The following TLN2 variants were observed in gnomAD, a reference collection of about 807,000 sequenced individuals.
TLN2 encodes talin-2.
A neutral mutation model predicts 294.7 loss-of-function variants in TLN2; 118 were observed. The ratio of observed to expected loss-of-function variants is 0.40; its 90% CI spans 0.34 to 0.47. The LOEUF is 0.47. Among genes scored for constraint, TLN2 ranks in the 20% least tolerant of loss-of-function variants. The pLI is 0.84. For synonymous variants in TLN2, 1,431 were observed against 1,304.5 expected (o/e 1.10, Z -2.09); for missense variants, 3,083 against 3,282.2 (o/e 0.94, Z 1.48).
chr15:62,767,204 A>G (rs2063062132), intron 41 of TLN2, among the ~76,000 whole-genome samples: 1 of 152,196 alleles, frequency 6.6e-6, no homozygotes, highest in Non-Finnish European at 1.5e-5. Flanking sequence ...TTTAAATTAC[A>G]GAATAGCTTA....
intron 2 of TLN2, among the ~76,000 whole-genome samples, chr15:62,592,012 AGTGTTCTGG>A (rs2046117566): frequency 6.6e-6 from 1 of 151,966 alleles, no homozygotes; most frequent in Non-Finnish European, 1.5e-5. Context: ...ATCTGAAAGG[AGTGTTCTGG>A]GTGGATTCTT....
chr15:62,628,237 A>C (rs1176162473), intron 3 of TLN2, among the ~76,000 whole-genome samples: 1 of 152,196 alleles, frequency 6.6e-6, no homozygotes, highest in African/African-American at 2.4e-5. Context: ...TCACTGTGTA[A>C]TTCTGGGGTA....
chr15:62,609,774 T>C (rs765407270), intron 2 of TLN2, among the ~76,000 whole-genome samples: 10 of 152,198 alleles, frequency 6.6e-5, no homozygotes, highest in Admixed American at 1.3e-4. Flanking sequence ...GAAAGGTTAT[T>C]CTCTTTGTGG....
At chr15:62,751,681 T>C (rs1387471765) in intron 34 of TLN2, among the ~76,000 whole-genome samples, 7 of 152,194 alleles carry the variant, frequency 4.6e-5, no homozygotes, top group South Asian at 2.1e-4. Flanking sequence ...CAAATTTACA[T>C]TGGGCACCCT....
intron 57 of TLN2, among the ~76,000 whole-genome samples, chr15:62,837,343 A>G (rs1354251546): frequency 6.6e-6 from 1 of 152,204 alleles, no homozygotes; most frequent in African/African-American, 2.4e-5. Context: ...ATCCTGAGTT[A>G]AGAGAGACCT....
intron 1 of TLN2, among the ~76,000 whole-genome samples, chr15:62,557,878 T>C (rs1446982927): frequency 6.6e-6 from 1 of 152,236 alleles, no homozygotes; most frequent in Non-Finnish European, 1.5e-5. Flanking sequence ...AATTACTGTG[T>C]GTGCCTAAAA....
intron 1 of TLN2, among the ~76,000 whole-genome samples, chr15:62,416,773 C>T (rs1354357517): frequency 1.3e-5 from 2 of 152,184 alleles, no homozygotes; most frequent in Non-Finnish European, 2.9e-5. Flanking sequence ...TCAAGGCTTG[C>T]TCTGAGCTCA....
In TLN2 at chr15:62,717,659, G is replaced by C; in HGVS notation, c.2847G>C (p.Ala949=). 1 of 1,601,938 alleles carries C rather than the reference G, an allele frequency of 6.2e-7. No homozygotes were observed. The highest frequency in any genetic ancestry group is 8.5e-7 in the Non-Finnish European group (1 of 1,175,010). Reference sequence around the variant, plus strand: ...CAGCTGTTTCCAACAAGAACCCTGCGGCCCAGCAGCAGCTGGTCCAGAGTT... The same window carrying C: ...CAGCTGTTTCCAACAAGAACCCTGCCGCCCAGCAGCAGCTGGTCCAGAGTT... The part of the protein sequence containing the change: ...QNAAVSNKNP[A]AQQQLVQSCK... Residue 949 remains alanine, a synonymous_variant, in exon 24 of 59, where the codon GCG becomes GCC. Transcript: ENST00000636159.
intron 1 of TLN2, among the ~76,000 whole-genome samples, chr15:62,446,157 C>G (rs2035811777): frequency 6.6e-6 from 1 of 151,998 alleles, no homozygotes. Context: ...CAGGCGCCCG[C>G]CACCACGCCC....
chr15:62,416,650 A>G (rs1469789369), intron 1 of TLN2, among the ~76,000 whole-genome samples: 1 of 152,186 alleles, frequency 6.6e-6, no homozygotes, highest in Non-Finnish European at 1.5e-5. Flanking sequence ...TTGATATTAC[A>G]TATCAAAGAG....
chr15:62,425,584 C>G (rs1364090971), intron 1 of TLN2, among the ~76,000 whole-genome samples: 1 of 152,206 alleles, frequency 6.6e-6, no homozygotes, highest in Non-Finnish European at 1.5e-5. Flanking sequence ...AGAATTGTAT[C>G]AGCTTTTTAA....
intron 2 of TLN2, among the ~76,000 whole-genome samples, chr15:62,611,098 G>T (rs1248638734): frequency 1.3e-5 from 2 of 152,118 alleles, no homozygotes; most frequent in Non-Finnish European, 2.9e-5. Flanking sequence ...AGAGGGATGT[G>T]ATTATGTCTT....
chr15:62,618,491 G>A lies in TLN2; in HGVS notation c.-37+16G>A, dbSNP rs2048495543. 6.6e-6 allele frequency: 1 copy of A among 152,208 alleles called. No individual in the cohort carries two copies. The highest frequency in any genetic ancestry group is 2.1e-4 in the South Asian group (1 of 4,832). 9.4% of individuals were successfully genotyped at this position (152,208 alleles called of 1,614,324 possible). A position where few individuals can be genotyped will look rare whatever the true frequency, so the allele number is the denominator to read the frequency against. On this transcript the variant is annotated intron_variant, in intron 3 of 58. Transcript: ENST00000636159. ...TGTTGTCATTGTGAGTTGTTTGTATGTTAAAGGTCTTCTGCGTGTGTTTTG... is the reference window on the plus strand; with the variant it reads ...TGTTGTCATTGTGAGTTGTTTGTATATTAAAGGTCTTCTGCGTGTGTTTTG...
At chr15:62,561,028 G>A (rs1214652663) in intron 1 of TLN2, among the ~76,000 whole-genome samples, 2 of 152,244 alleles carry the variant, frequency 1.3e-5, no homozygotes, top group East Asian at 1.9e-4. Context: ...TACACAGAAG[G>A]AAAGGGAAAA....
intron 45 of TLN2, chr15:62,784,344 T>C (rs974767685): frequency 4.9e-6 from 1 of 202,788 alleles, no homozygotes; most frequent in African/African-American, 2.3e-5. Flanking sequence ...GCTACTTTCA[T>C]GAAACAAAGT....
chr15:62,722,920 G>C (rs984931990), intron 26 of TLN2, among the ~76,000 whole-genome samples: 2 of 152,150 alleles, frequency 1.3e-5, no homozygotes, highest in Admixed American at 6.6e-5. Flanking sequence ...ATTTTGAAGT[G>C]TCATCTTTAT....
chr15:62,455,472 C>CA (rs1217262091), intron 1 of TLN2, among the ~76,000 whole-genome samples: 1 of 152,130 alleles, frequency 6.6e-6, no homozygotes, highest in African/African-American at 2.4e-5. Context: ...TGGGGCACCG[C>CA]AATGTATGGG....
intron 1 of TLN2, among the ~76,000 whole-genome samples, chr15:62,540,161 G>GA (rs1466389306): frequency 3.9e-5 from 6 of 151,938 alleles, no homozygotes; most frequent in Admixed American, 2.0e-4. Context: ...CCAACATGGT[G>GA]AAACCCCGTC....
chr15:62,468,707 T>C (rs1198890618), intron 1 of TLN2, among the ~76,000 whole-genome samples: 1 of 147,250 alleles, frequency 6.8e-6, no homozygotes, highest in Non-Finnish European at 1.5e-5. Context: ...ATTGCACCAC[T>C]GCACTCCAGC....
Sources: allele counts gnomAD v4.1 joint callset (sites outside exome capture counted in the v4.1 genomes callset), GRCh38; gene constraint gnomAD v4.1.1; transcripts MANE v1.5; gene names NCBI Gene and HGNC (gene_info 2026-07-23, HGNC 2026-07-21).